NTHL1: variants seen among roughly 807,000 people sequenced by gnomAD.
NTHL1 encodes nth like DNA glycosylase 1.
In NTHL1, 32 loss-of-function variants were observed where a neutral mutation model predicts 32.3. That is an observed-to-expected ratio of 0.99 (90% confidence interval 0.75 to 1.33). The LOEUF (loss-of-function observed/expected upper bound fraction) is 1.33, where lower values mean the gene tolerates loss of function less well. NTHL1 is among the 40% of genes most tolerant of loss of function. The pLI is 0.00. For missense variants in NTHL1, 501 were observed against 414.1 expected (o/e 1.21, Z -1.82); for synonymous variants, 188 against 176.9 (o/e 1.06, Z -0.50).
Position 2,044,539 on chromosome 16 carries a change from C to CA in NTHL1, c.525+90dup. 1.3e-6 allele frequency: 2 copies of CA among 1,540,686 alleles called. No homozygotes were observed. Among genetic ancestry groups the CA allele is most frequent in the South Asian group, 2.2e-5 (2 of 89,410 alleles). On this transcript the variant is annotated intron_variant, in intron 3 of 5. Transcript: ENST00000651570. The surrounding 1 kb of genome is among the most constrained non-coding windows in gnomAD (Gnocchi z 5.0). ...CCCCGAGCCTGAGATGCTTGACCCT[C>CA]ACTTCCTGCACCGTCGCCACCCCCC...
In NTHL1 at chr16:2,044,940, G is replaced by C. The variant is rs544052947; in HGVS notation, c.355-140C>G. On this transcript the variant is annotated intron_variant, in intron 2 of 5. Transcript: ENST00000651570. The surrounding 1 kb of genome is among the most constrained non-coding windows in gnomAD (Gnocchi z 5.0). ...GCATCAGCCTCCCCCTGTGGGGTGG[G>C]GAGGTCTGGTTTGGGTATGTTTGGT... 4 of 965,974 alleles carry C rather than the reference G, an allele frequency of 4.1e-6. No homozygotes were observed. Among genetic ancestry groups the C allele is most frequent in the Non-Finnish European group, 6.0e-6 (4 of 667,024 alleles). The allele number at this position is 965,974 out of a possible 1,614,324, so 59.8% of individuals were successfully genotyped here. A position where few individuals can be genotyped will look rare whatever the true frequency, so the allele number is the denominator to read the frequency against.
intron 1 of NTHL1, among the ~76,000 whole-genome samples, chr16:2,046,606 C>T (rs1888457843): frequency 6.6e-6 from 1 of 152,150 alleles, no homozygotes; most frequent in South Asian, 2.1e-4. Context: ...CAAGGTGCCC[C>T]CAATACATCT....
At position 2,042,088 on chromosome 16, in the gene NTHL1, G is replaced by A. The variant is rs564610597; in HGVS notation, c.685+1479C>T. ...TTTTAACTGAGAGCGTTTCTCTTTC[G>A]GGGAACCCCTAGGAGGCAGCCCTGG... On this transcript the variant is annotated intron_variant, in intron 4 of 5. Transcript: ENST00000651570. 4.3e-4 allele frequency: 196 copies of A among 455,926 alleles called. 2 individuals are homozygous for A. Among genetic ancestry groups the A allele is most frequent in the South Asian group, 2.8e-3 (179 of 64,560 alleles). The allele number at this position is 455,926 out of a possible 1,614,324, so 28.2% of individuals were successfully genotyped here.
chr16:2,046,081 C>T (rs779697189), intron 2 of NTHL1, 47 bp downstream of exon 2: 2 of 1,513,778 alleles, frequency 1.3e-6, no homozygotes, highest in South Asian at 1.1e-5. Flanking sequence ...AAAACAAGGA[C>T]CTTGCTAAGA....
In NTHL1 at chr16:2,044,694, T is replaced by C; in HGVS notation, c.461A>G (p.Asp154Gly). The part of the protein sequence containing the change: ...QRLRARGLTV[D>G]SILQTDDATL... The stretch of plus-strand genomic sequence containing the variant: ...GGCATCATCTGTCTGCAGGATGCTG[T>C]CCACCGTCAGGCCCCGCGCCCGCAG... Residue 154 changes from aspartate (D) to glycine (G), a missense_variant, in exon 3 of 6, where the codon GAC becomes GGC. Transcript: ENST00000651570. The surrounding 1 kb of genome is among the most constrained non-coding windows in gnomAD (Gnocchi z 5.0). 1 of 1,612,240 alleles carries C rather than the reference T, an allele frequency of 6.2e-7. No individual in the cohort carries two copies. Among genetic ancestry groups the C allele is most frequent in the Non-Finnish European group, 8.5e-7 (1 of 1,179,940 alleles).
intron 1 of NTHL1, 32 bp from the exon 2 acceptor site, chr16:2,046,398 G>T: frequency 6.3e-7 from 1 of 1,588,556 alleles, no homozygotes; most frequent in Non-Finnish European, 8.6e-7. Context: ...CCCTCTGGTG[G>T]GGCCACAGGT....
chr16:2,044,392 C>T lies in NTHL1; in HGVS notation c.525+238G>A, dbSNP rs1188293276. Among the ~76,000 whole-genome samples the T allele has an allele frequency of 2.0e-5, 3 of 152,034 alleles. No homozygotes were observed. In the East Asian group the frequency reaches 5.8e-4, roughly 29 times the overall value. ...AGCCTTGGCGGTGAGGAAGGGTGGG[C>T]AGGCGGCGAGGCGGGGAAGCAGAGG... On this transcript the variant is annotated intron_variant, in intron 3 of 5. Coordinates refer to ENST00000651570, the MANE Select transcript of NTHL1 (RefSeq NM_002528.7). This position sits in a 1 kb window ranked among gnomAD's most constrained non-coding sequence, Gnocchi z 5.0.
In NTHL1 at chr16:2,040,207, G is replaced by A. The variant is rs1475205147; in HGVS notation, c.717C>T (p.Asn239=). 10 of 1,613,752 alleles carry A rather than the reference G, an allele frequency of 6.2e-6. No individual in the cohort carries two copies. In the African/African-American group the frequency reaches 1.3e-4, roughly 22 times the overall value. ...AVDTHVHRIA[N]RLRWTKKATK... ...TTGCCTTCTTGGTCCACCTCAGCCT[G>A]TTGGCGATTCTGTGCACATGCGTGT... is the stretch of plus-strand genomic sequence containing the variant. The change falls in exon 5 of 6, where the codon AAC becomes AAT. Residue 239 remains asparagine (N), a synonymous_variant. Transcript: ENST00000651570.
At chr16:2,041,963 G>A in intron 4 of NTHL1, 2 of 448,536 alleles carry the variant, frequency 4.5e-6, no homozygotes, top group South Asian at 3.1e-5. Flanking sequence ...ACGTTGGCCA[G>A]GCTGATCTTG....
Position 2,047,815 on chromosome 16 carries a change from G to A in NTHL1, c.9C>T (p.Ala3=), listed in dbSNP as rs765855021. The A allele has an allele frequency of 5.6e-5, 90 of 1,593,736 alleles. No individual in the cohort carries two copies. The highest frequency in any genetic ancestry group is 3.8e-5 in the Non-Finnish European group (45 of 1,175,362). The change falls in exon 1 of 6, where the codon GCC becomes GCT. Residue 3 remains alanine, a synonymous_variant. Coordinates refer to ENST00000651570, the MANE Select transcript of NTHL1 (RefSeq NM_002528.7). MT[A]LSARMLTRSR... ...TCCGGGTCAGCATCCTCGCGCTCAAGGCGGTCATGCCGGACTCCTGCGGAC... is the reference window on the plus strand; with the variant it reads ...TCCGGGTCAGCATCCTCGCGCTCAAAGCGGTCATGCCGGACTCCTGCGGAC...
chr16:2,046,741 G>A (rs2084421705), intron 1 of NTHL1, among the ~76,000 whole-genome samples: 1 of 152,196 alleles, frequency 6.6e-6, no homozygotes, highest in South Asian at 2.1e-4. Flanking sequence ...GGAGGCCGAG[G>A]TGGGTGGATC....
chr16:2,043,895 G>A lies in NTHL1; in HGVS notation c.526-169C>T. The A allele has an allele frequency of 1.4e-6, 1 of 736,770 alleles. No individual in the cohort carries two copies. The highest frequency in any genetic ancestry group is 2.3e-6 in the Non-Finnish European group (1 of 439,226). The allele number at this position is 736,770 out of a possible 1,614,324, so 45.6% of individuals were successfully genotyped here. ...GCGGGAACAAGCGGAGGGCAGCAGG[G>A]AGGCCCAAGGTAGGCCTGACCCCCT... On this transcript the variant is annotated intron_variant, in intron 3 of 5. Transcript: ENST00000651570. This position sits in a 1 kb window ranked among gnomAD's most constrained non-coding sequence, Gnocchi z 4.4.
chr16:2,046,700 G>A (rs541690648), intron 1 of NTHL1, among the ~76,000 whole-genome samples: 2 of 152,266 alleles, frequency 1.3e-5, no homozygotes, highest in Admixed American at 6.5e-5. Flanking sequence ...GGCCGGGCGC[G>A]GTGGATCAAG....
At position 2,039,933 on chromosome 16, in the gene NTHL1, C is replaced by T. The variant is rs1218521260; in HGVS notation, c.906G>A (p.Gln302=). ...CAGAGCCATGCGGCCATCAGAGACC[C>T]TGGGCGGCCGGGCAGAGGGCTTGGT... ...CLNQALCPAA[Q]GL The change falls in exon 6 of 6, where the codon CAG becomes CAA. Residue 302 remains glutamine (Q), a synonymous_variant. Coordinates refer to ENST00000651570, the MANE Select transcript of NTHL1 (RefSeq NM_002528.7). 3.1e-6 allele frequency: 5 copies of T among 1,602,676 alleles called. No homozygotes were observed. The highest frequency in any genetic ancestry group is 1.3e-5 in the African/African-American group (1 of 74,940).
chr16:2,047,406 G>C (rs1278210112), intron 1 of NTHL1: 3 of 463,446 alleles, frequency 6.5e-6, no homozygotes, highest in African/African-American at 6.3e-5. Flanking sequence ...CAGGAGGGCG[G>C]GGATGGGACC....
rs1326931608 is a variant in NTHL1, at chr16:2,046,264, G to C, written c.218C>G (p.Pro73Arg). The part of the protein sequence containing the change: ...SDSEKGEGAE[P>R]LKVPVWEPQD... ...GGGCTCCCAGACTGGCACCTTGAGGGGCTCAGCCCCCTCACCTTTCTCACT... is the reference window on the plus strand; with the variant it reads ...GGGCTCCCAGACTGGCACCTTGAGGCGCTCAGCCCCCTCACCTTTCTCACT... Residue 73 changes from proline to arginine, a missense_variant, in exon 2 of 6, where the codon CCC (proline) becomes CGC (arginine). Pro to Arg is a moderately radical substitution (Grantham distance 103). Coordinates refer to ENST00000651570, the MANE Select transcript of NTHL1 (RefSeq NM_002528.7). 2 of 1,613,254 alleles carry C rather than the reference G, an allele frequency of 1.2e-6. No individual in the cohort carries two copies. The highest frequency in any genetic ancestry group is 8.5e-7 in the Non-Finnish European group (1 of 1,180,000).
chr16:2,040,760 A>G (rs1235675045), intron 4 of NTHL1, among the ~76,000 whole-genome samples: 2 of 152,130 alleles, frequency 1.3e-5, no homozygotes, highest in Non-Finnish European at 1.5e-5. Context: ...CAGCCTCCCC[A>G]GGAACGTGGC....
intron 4 of NTHL1, among the ~76,000 whole-genome samples, chr16:2,041,137 C>T (rs573520966): frequency 6.6e-6 from 1 of 152,362 alleles, no homozygotes; most frequent in South Asian, 2.1e-4. Flanking sequence ...GAGGCCTGCA[C>T]CAGCTCCTTC....
rs1397863507 is a variant in NTHL1, at chr16:2,046,241, G to C, written c.241C>G (p.Pro81Ala). Residue 81 changes from proline to alanine, a missense_variant, in exon 2 of 6, where the codon CCC becomes GCC. By Grantham distance (27) the Pro-to-Ala change is conservative. Coordinates refer to ENST00000651570, the MANE Select transcript of NTHL1 (RefSeq NM_002528.7). ...AEPLKVPVWE[P>A]QDWQQQLVNI... ...ACCAGCTGTTGCTGCCAGTCCTGGG[G>C]CTCCCAGACTGGCACCTTGAGGGGC... 6.2e-7 allele frequency: 1 copy of C among 1,613,232 alleles called. No homozygotes were observed.
Sources: gnomAD v4.1 joint callset for allele counts (sites outside exome capture counted in the v4.1 genomes callset) on GRCh38, gnomAD v4.1.1 for gene constraint, Gnocchi (gnomAD v3.1) non-coding constraint, MANE v1.5 for transcripts, NCBI Gene and HGNC (gene_info 2026-07-23, HGNC 2026-07-21) for gene names.